Variants in CNTNAP5 observed in about 807,000 individuals in gnomAD.
The protein encoded by CNTNAP5 is contactin-associated protein-like 5.
Under a neutral mutation model 150.2 loss-of-function variants are expected in CNTNAP5, and 72 were observed. The observed-to-expected ratio is 0.48, with a 90% CI of 0.40 to 0.58. CNTNAP5 has a LOEUF of 0.58. Ranked by LOEUF, CNTNAP5 falls within the 20% of genes least tolerant of loss-of-function variation. CNTNAP5 has a pLI of 0.00. For synonymous variants in CNTNAP5, 672 were observed against 619.8 expected, an observed-to-expected ratio of 1.08 and a Z score of -1.25; for missense variants, 1,636 against 1,626.2, an observed-to-expected ratio of 1.01 and a Z score of -0.10.
intron 1 of CNTNAP5, among the ~76,000 whole-genome samples, chr2:124,045,143 C>G (rs978162717): frequency 1.3e-5 from 2 of 152,070 alleles, no homozygotes; most frequent in Non-Finnish European, 2.9e-5. Context: ...ACTGTTTTCC[C>G]ACTTCAAGAT....
chr2:124,108,563 C>T (rs1683220093), intron 1 of CNTNAP5, among the ~76,000 whole-genome samples: 1 of 152,120 alleles, frequency 6.6e-6, no homozygotes, highest in Non-Finnish European at 1.5e-5. Context: ...GTGCTCTGTG[C>T]CATGTCTCAG....
chr2:124,353,061 T>C (rs935494733), intron 3 of CNTNAP5, among the ~76,000 whole-genome samples: 1 of 152,104 alleles, frequency 6.6e-6, no homozygotes, highest in South Asian at 2.1e-4. Context: ...GTGAGCCACA[T>C]TGAGCGAGGT....
chr2:124,505,918 A>G (rs537794594), intron 8 of CNTNAP5, among the ~76,000 whole-genome samples: 2 of 152,356 alleles, frequency 1.3e-5, no homozygotes, highest in African/African-American at 4.8e-5. Flanking sequence ...GTCAACATCC[A>G]TCATGGATTA....
At chr2:124,828,091 G>A (rs1396633067) in intron 19 of CNTNAP5, among the ~76,000 whole-genome samples, 1 of 152,136 alleles carries the variant, frequency 6.6e-6, no homozygotes, top group African/African-American at 2.4e-5. Flanking sequence ...TGACAGCTGA[G>A]TCCACTACTG....
At chr2:124,828,705 A>T (rs1182552901) in intron 19 of CNTNAP5, among the ~76,000 whole-genome samples, 1 of 135,292 alleles carries the variant, frequency 7.4e-6, no homozygotes, top group African/African-American at 2.7e-5. Context: ...AGGACCTACT[A>T]TATGCCTTGC....
intron 14 of CNTNAP5, among the ~76,000 whole-genome samples, chr2:124,757,889 A>G (rs985491217): frequency 6.6e-6 from 1 of 152,256 alleles, no homozygotes; most frequent in African/African-American, 2.4e-5. Flanking sequence ...GATTTAAAAT[A>G]GAATTTTATT....
At chr2:124,307,271 G>A (rs545176347) in intron 3 of CNTNAP5, among the ~76,000 whole-genome samples, 34 of 152,234 alleles carry the variant, frequency 2.2e-4, no homozygotes, top group African/African-American at 7.2e-4. Context: ...GAGAGATCTT[G>A]TGTCTCTTCC....
chr2:124,502,869 G>T (rs954774331), intron 7 of CNTNAP5, among the ~76,000 whole-genome samples: 5 of 152,214 alleles, frequency 3.3e-5, no homozygotes, highest in African/African-American at 1.2e-4. Context: ...GACAAACATG[G>T]GTTTGTCTCC....
At chr2:124,127,309 A>G (rs1230650247) in intron 1 of CNTNAP5, among the ~76,000 whole-genome samples, 1 of 152,230 alleles carries the variant, frequency 6.6e-6, no homozygotes, top group Non-Finnish European at 1.5e-5. Flanking sequence ...CACATTCACA[A>G]TTGCTTCAAA....
intron 1 of CNTNAP5, among the ~76,000 whole-genome samples, chr2:124,129,807 A>G (rs1683803702): frequency 1.3e-5 from 2 of 152,164 alleles, no homozygotes; most frequent in African/African-American, 2.4e-5. Flanking sequence ...AAATCTCTTT[A>G]TCTTGGTTTG....
At chr2:124,521,773 G>A (rs545799530) in intron 8 of CNTNAP5, among the ~76,000 whole-genome samples, 28 of 152,310 alleles carry the variant, frequency 1.8e-4, no homozygotes, top group African/African-American at 6.7e-4. Flanking sequence ...GAGTATGCAA[G>A]TGAAAGTTTT....
chr2:124,588,197 TTTCTTTC>T (rs1696594686), intron 11 of CNTNAP5, among the ~76,000 whole-genome samples: 1 of 120,162 alleles, frequency 8.3e-6, no homozygotes, highest in Non-Finnish European at 1.8e-5. Context: ...TCTTTCTTTC[TTTCTTTC>T]TTTCTTTCTT....
At chr2:124,264,499 G>A (rs1687552951) in intron 3 of CNTNAP5, among the ~76,000 whole-genome samples, 1 of 151,862 alleles carries the variant, frequency 6.6e-6, no homozygotes, top group Non-Finnish European at 1.5e-5. Flanking sequence ...TGATCCTTTT[G>A]AGGCAACATA....
intron 1 of CNTNAP5, among the ~76,000 whole-genome samples, chr2:124,038,245 G>A (rs1681277826): frequency 6.6e-6 from 1 of 152,178 alleles, no homozygotes; most frequent in Non-Finnish European, 1.5e-5. Context: ...ATTGTCAGCT[G>A]TATAGAAAAC....
intron 1 of CNTNAP5, among the ~76,000 whole-genome samples, chr2:124,155,800 A>G (rs1391724717): frequency 2.1e-4 from 32 of 152,220 alleles, no homozygotes; most frequent in Non-Finnish European, 5.9e-5. Context: ...CCTGAAAAAC[A>G]AAACAAAATA....
At chr2:124,044,629 C>T (rs751576765) in intron 1 of CNTNAP5, among the ~76,000 whole-genome samples, 8 of 152,208 alleles carry the variant, frequency 5.3e-5, no homozygotes, top group South Asian at 2.1e-4. Flanking sequence ...CACCTTCCCA[C>T]GGCCACCCTT....
chr2:124,850,985 G>A (rs1683141570), intron 19 of CNTNAP5, among the ~76,000 whole-genome samples: 1 of 152,184 alleles, frequency 6.6e-6, no homozygotes, highest in African/African-American at 2.4e-5. Context: ...AAATTAAAAA[G>A]AGGCATTAGA....
intron 1 of CNTNAP5, among the ~76,000 whole-genome samples, chr2:124,046,505 A>C (rs2104637715): frequency 6.6e-6 from 1 of 151,702 alleles, no homozygotes; most frequent in East Asian, 1.9e-4. Flanking sequence ...GCCACCTGAC[A>C]ACAGCCGCCT....
At chr2:124,635,341 G>T (rs961101490) in intron 12 of CNTNAP5, among the ~76,000 whole-genome samples, 6 of 152,092 alleles carry the variant, frequency 3.9e-5, no homozygotes, top group African/African-American at 1.4e-4. Context: ...TAAACCATTA[G>T]AAATTGCCAC....
Sources: gnomAD v4.1 joint callset for allele counts (sites outside exome capture counted in the v4.1 genomes callset) on GRCh38, gnomAD v4.1.1 for gene constraint, MANE v1.5 for transcripts, NCBI Gene and HGNC (gene_info 2026-07-23, HGNC 2026-07-21) for gene names.